Variants in CACNA1H observed in about 807,000 individuals in gnomAD.
CACNA1H encodes the protein voltage-dependent T-type calcium channel subunit alpha-1H.
In CACNA1H, 149 loss-of-function variants were observed where a neutral mutation model predicts 192.5. That is an observed-to-expected ratio of 0.77 (90% confidence interval 0.68 to 0.89). The LOEUF (loss-of-function observed/expected upper bound fraction) is 0.89, where lower values mean the gene tolerates loss of function less well. Among genes scored for constraint, CACNA1H ranks in the 40% least tolerant of loss-of-function variants. CACNA1H has a pLI of 0.00. For missense variants in CACNA1H, 4,257 were observed against 3,423.5 expected, an observed-to-expected ratio of 1.24 and a Z score of -6.08; for synonymous variants, 2,202 against 1,475.2, an observed-to-expected ratio of 1.49 and a Z score of -11.29.
Position 1,153,974 on chromosome 16 carries a change from C to G in CACNA1H, c.237C>G (p.Val79=), listed in dbSNP as rs994984264. The change falls in exon 2 of 35, where the codon GTC becomes GTG. Residue 79 remains valine, a synonymous_variant. Coordinates refer to ENST00000348261, the MANE Select transcript of CACNA1H (RefSeq NM_021098.3). ...CGTACCCGGCCTTGGCGGCCACGGT[C>G]TTCTTCTGCCTCGGTCAGACCACGC... ...RVPYPALAAT[V]FFCLGQTTRP... is the part of the protein sequence containing the mutation. 1.1e-4 allele frequency: 162 copies of G among 1,448,166 alleles called. No homozygotes were observed. Among genetic ancestry groups the G allele is most frequent in the Non-Finnish European group, 1.5e-4 (162 of 1,100,584 alleles). The allele number at this position is 1,448,166 out of a possible 1,614,324, so 89.7% of individuals were successfully genotyped here.
intron 6 of CACNA1H, among the ~76,000 whole-genome samples, chr16:1,199,667 C>CCTCACCCCGGGTTCTCCCCTCAATT: frequency 1.3e-5 from 2 of 149,950 alleles, no homozygotes; most frequent in South Asian, 2.1e-4. Flanking sequence ...TCCCCTCAAC[C>CCTCACCCCGGGTTCTCCCCTCAATT]CTCACCCCGG....
rs192586265 is a variant in CACNA1H at position 1,203,017 on chromosome 16, C to G, written c.2002+565C>G. On this transcript the variant is annotated intron_variant, in intron 9 of 34. Transcript: ENST00000348261. ...GGCCCCCAGATGGTAGGGTTCCACA[C>G]GGGCCTGGGGGCCCTTCCTGGTTCT... 3.0e-3 allele frequency among the ~76,000 whole-genome samples: 455 copies of G among 151,378 alleles called. 2 individuals carry two copies. Among genetic ancestry groups the G allele is most frequent in the Admixed American group, 4.9e-3 (74 of 15,218 alleles).
intron 5 of CACNA1H, among the ~76,000 whole-genome samples, 168 bp downstream of exon 5, chr16:1,196,191 G>A (rs1032998428): frequency 6.6e-5 from 10 of 152,266 alleles, no homozygotes; most frequent in South Asian, 2.1e-4. Context: ...GCCGCTATCC[G>A]TGGGCCTTGC....
At chr16:1,169,215 G>A (rs961078800) in intron 2 of CACNA1H, among the ~76,000 whole-genome samples, 1 of 149,626 alleles carries the variant, frequency 6.7e-6, no homozygotes, top group Non-Finnish European at 1.5e-5. Flanking sequence ...AGCCTGGAAC[G>A]TGGACGTGGA....
intron 34 of CACNA1H, 102 bp from the exon 35 acceptor site, chr16:1,219,879 T>G: frequency 1.1e-6 from 1 of 905,880 alleles, no homozygotes; most frequent in Non-Finnish European, 1.5e-6. Flanking sequence ...CCTGCCCAGT[T>G]TGGCCTCTCC....
chr16:1,202,729 C>T (rs1282484915), intron 9 of CACNA1H, among the ~76,000 whole-genome samples: 3 of 152,160 alleles, frequency 2.0e-5, no homozygotes, highest in Admixed American at 1.3e-4. Flanking sequence ...TTGTCAGACC[C>T]TCCTGGGGCA....
At position 1,206,114 on chromosome 16, in the gene CACNA1H, A is replaced by G; in HGVS notation, c.2614A>G (p.Ile872Val). The G allele has an allele frequency of 1.3e-6, 2 of 1,580,572 alleles. No homozygotes were observed. The highest frequency in any genetic ancestry group is 1.7e-6 in the Non-Finnish European group (2 of 1,166,500). ...CCCACCTGTCCGCAGCGTCTGGGAG[A>G]TCGTGGGGCAGGCGGACGGTGGCTT... ...GIIVVISVWE[I>V]VGQADGGLSV... The change falls in exon 12 of 35, where the codon ATC becomes GTC. Residue 872 changes from isoleucine (I) to valine (V), a missense_variant. Transcript: ENST00000348261.
chr16:1,162,398 C>T lies in CACNA1H; in HGVS notation c.299+8362C>T, dbSNP rs1596298838. On this transcript the variant is annotated intron_variant, in intron 2 of 34. Coordinates refer to ENST00000348261, the MANE Select transcript of CACNA1H (RefSeq NM_021098.3). ...GGCCCCCCCGGAGGGAGAAAAATGG[C>T]CCATGAGCAGGAGGTGCTTGACGCA... Among the ~76,000 whole-genome samples, 3 of 152,280 alleles carry T rather than the reference C, an allele frequency of 2.0e-5. No individual in the cohort carries two copies. The South Asian group carries it at 6.2e-4, about 32-fold the overall frequency.
rs79971177 is a variant in CACNA1H at position 1,180,875 on chromosome 16, C to T, written c.300-14097C>T. ...AGCACCCGACCTGGCCGCCAGCGTG[C>T]TGAGGACAGACCTGCTGGGCCGCGT... On this transcript the variant is annotated intron_variant, in intron 2 of 34. Coordinates refer to ENST00000348261, the MANE Select transcript of CACNA1H (RefSeq NM_021098.3). This position sits in a 1 kb window ranked among gnomAD's most constrained non-coding sequence, Gnocchi z 4.4. Among the ~76,000 whole-genome samples the T allele has an allele frequency of 4.0e-3, 607 of 152,334 alleles. 2 individuals carry two copies. The highest frequency in any genetic ancestry group is 0.014 in the African/African-American group (578 of 41,580).
chr16:1,210,000 C>T (rs1346000188), intron 17 of CACNA1H, 35 bp from the exon 18 acceptor site: 7 of 1,498,794 alleles, frequency 4.7e-6, no homozygotes, highest in East Asian at 2.5e-5. Flanking sequence ...GGCAGGCAGG[C>T]GCAGGCTCTG....
rs746367219 is a variant in CACNA1H at position 1,200,325 on chromosome 16, C to T, written c.873C>T (p.Cys291=). 4.2e-5 allele frequency: 68 copies of T among 1,604,450 alleles called. No individual in the cohort carries two copies. Among genetic ancestry groups the T allele is most frequent in the African/African-American group, 5.4e-5 (4 of 74,758 alleles). ...TEEGEENPFI[C]SSRRDNGMQK... ...AGGGCGAGGAGAACCCGTTCATCTG[C>T]TCCTCACGCCGAGACAACGGCATGC... Residue 291 remains cysteine (C), a synonymous_variant, in exon 7 of 35, where the codon TGC becomes TGT. Transcript: ENST00000348261.
At position 1,216,962 on chromosome 16, in the gene CACNA1H, C is replaced by T. The variant is rs1212903913; in HGVS notation, c.5275C>T (p.Leu1759=). The T allele has an allele frequency of 1.2e-6, 2 of 1,605,442 alleles. No individual in the cohort carries two copies. Among genetic ancestry groups the T allele is most frequent in the Non-Finnish European group, 1.7e-6 (2 of 1,176,192 alleles). The stretch of plus-strand genomic sequence containing the variant: ...GAACCTGGGCCTTCTTTTCATGCTC[C>T]TGTTTTTTATCTATGCTGCGCTGGG... ...VGNLGLLFML[L]FFIYAALGVE... Residue 1759 remains leucine, a synonymous_variant, in exon 31 of 35, where the codon CTG becomes TTG. Transcript: ENST00000348261.
At position 1,161,406 on chromosome 16, in the gene CACNA1H, G is replaced by A. The variant is rs145946669; in HGVS notation, c.299+7370G>A. On this transcript the variant is annotated intron_variant, in intron 2 of 34. Coordinates refer to ENST00000348261, the MANE Select transcript of CACNA1H (RefSeq NM_021098.3). ...GCACCTGGGCAGAGCCCCCTGGCCG[G>A]AGGTGGTTGTCTCTGGGCCCCTCAC... 9.5e-3 allele frequency among the ~76,000 whole-genome samples: 1,446 copies of A among 152,336 alleles called. 20 individuals are homozygous for A. The highest frequency in any genetic ancestry group is 0.033 in the African/African-American group (1,361 of 41,580).
rs201249058 is a variant in CACNA1H, at chr16:1,219,025, C to A, written c.5943C>A (p.Ile1981=). The A allele has an allele frequency of 1.3e-6, 2 of 1,550,110 alleles. No individual in the cohort carries two copies. The highest frequency in any genetic ancestry group is 2.0e-5 in the Admixed American group (1 of 50,972). The change falls in exon 34 of 35, where the codon ATC becomes ATA. Residue 1981 remains isoleucine, a synonymous_variant. Coordinates refer to ENST00000348261, the MANE Select transcript of CACNA1H (RefSeq NM_021098.3). ...PPAESCASLQ[I]PLAVSSPARS... Reference sequence around the variant, plus strand: ...CAGAGTCCTGTGCCTCCCTCCAGATCCCATTGGCTGTGTCGTCCCCAGCCA... The same window carrying A: ...CAGAGTCCTGTGCCTCCCTCCAGATACCATTGGCTGTGTCGTCCCCAGCCA...
rs758468165 is a variant in CACNA1H, at chr16:1,221,040, G to T, written c.*46G>T. 5.5e-6 allele frequency: 8 copies of T among 1,454,232 alleles called. No individual in the cohort carries two copies. In the Admixed American group the frequency reaches 1.5e-4, roughly 28 times the overall value. The allele number at this position is 1,454,232 out of a possible 1,614,324, so 90.1% of individuals were successfully genotyped here. A position where few individuals can be genotyped will look rare whatever the true frequency, so the allele number is the denominator to read the frequency against. ...ACGGCTTTGGCCCTGGGGTCTGGGG[G>T]CCCCGCTGGGGTGGAGGCCCAGGCA... is the stretch of plus-strand genomic sequence containing the variant. On this transcript the variant is annotated 3_prime_UTR_variant, in exon 35 of 35. Transcript: ENST00000348261.
chr16:1,211,720 T>C lies in CACNA1H; in HGVS notation c.4481T>C (p.Leu1494Pro). 6.2e-7 allele frequency: 1 copy of C among 1,612,556 alleles called. No individual in the cohort carries two copies. The highest frequency in any genetic ancestry group is 8.5e-7 in the Non-Finnish European group (1 of 1,179,692). ...KYNFDNLGQALMSLFVLSSKD... is the reference protein window; with the variant it reads ...KYNFDNLGQAPMSLFVLSSKD... ...GACCCTGGCTCTGGCCCTCAGGCCC[T>C]GATGTCGCTGTTCGTGCTGTCATCC... The change falls in exon 24 of 35, where the codon CTG becomes CCG. Residue 1494 changes from leucine (L) to proline (P), a missense_variant. Transcript: ENST00000348261.
chr16:1,154,477 CAG>C (rs1482104325), intron 2 of CACNA1H, among the ~76,000 whole-genome samples: 4 of 152,138 alleles, frequency 2.6e-5, no homozygotes, highest in Non-Finnish European at 5.9e-5. Context: ...GAGCTGGAGT[CAG>C]GGGCGCAAAG....
chr16:1,191,978 C>G (rs1251090399), intron 2 of CACNA1H, among the ~76,000 whole-genome samples: 1 of 152,270 alleles, frequency 6.6e-6, no homozygotes, highest in Non-Finnish European at 1.5e-5. Context: ...GTTCCATTGT[C>G]GCCAGGCTTA....
chr16:1,199,016 A>G, intron 6 of CACNA1H: 1 of 478,106 alleles, frequency 2.1e-6, no homozygotes, highest in East Asian at 3.7e-5. Flanking sequence ...CAGTCGCTGC[A>G]CATATGCCCC....
Sources: allele counts gnomAD v4.1 joint callset (sites outside exome capture counted in the v4.1 genomes callset), GRCh38; gene constraint gnomAD v4.1.1; non-coding constraint Gnocchi (gnomAD v3.1); transcripts MANE v1.5; gene names NCBI Gene and HGNC (gene_info 2026-07-23, HGNC 2026-07-21).